Variants in IGHMBP2 observed in about 807,000 individuals in gnomAD.
IGHMBP2 encodes the protein DNA-binding protein SMUBP-2.
In IGHMBP2, 81 loss-of-function variants were observed where a neutral mutation model predicts 96.0. The ratio of observed to expected loss-of-function variants is 0.84; its 90% CI spans 0.71 to 1.01. The LOEUF is 1.01. IGHMBP2 is among the 50% of genes least tolerant of loss of function. IGHMBP2 has a pLI of 0.00. For synonymous variants in IGHMBP2, 557 were observed against 548.9 expected (o/e 1.01, Z -0.21); for missense variants, 1,227 against 1,306.3 (o/e 0.94, Z 0.94).
chr11:68,934,950 C>T (rs1009939686), intron 11 of IGHMBP2, among the ~76,000 whole-genome samples: 2 of 152,220 alleles, frequency 1.3e-5, no homozygotes, highest in Admixed American at 6.5e-5. Context: ...TGTTCCCATG[C>T]GTATCTCATT....
intron 11 of IGHMBP2, 50 bp downstream of exon 11, chr11:68,934,608 A>G: frequency 1.5e-6 from 2 of 1,352,858 alleles, no homozygotes; most frequent in Non-Finnish European, 2.1e-6. Context: ...GGCTCACACA[A>G]CCTAGAGGGT....
intron 11 of IGHMBP2, 103 bp from the exon 12 acceptor site, chr11:68,935,196 C>G: frequency 6.7e-7 from 1 of 1,487,556 alleles, no homozygotes; most frequent in South Asian, 1.2e-5. Flanking sequence ...CTTCCCAGGT[C>G]CTGGCTGTTT....
At chr11:68,935,160 T>G in intron 11 of IGHMBP2, 139 bp from the exon 12 acceptor site, 1 of 1,123,194 alleles carries the variant, frequency 8.9e-7, no homozygotes, top group East Asian at 2.6e-5. Context: ...GGGAAGCCTT[T>G]CCCCATGGGG....
At chr11:68,929,515 A>G (rs912911813) in intron 8 of IGHMBP2, among the ~76,000 whole-genome samples, 158 bp downstream of exon 8, 2 of 151,816 alleles carry the variant, frequency 1.3e-5, no homozygotes, top group African/African-American at 4.8e-5. Context: ...ATTCATCTCA[A>G]CGTCGCATCT....
chr11:68,938,345 C>T lies in IGHMBP2; in HGVS notation c.2775C>T (p.His925=). Residue 925 remains histidine, a synonymous_variant, in exon 14 of 15, where the codon CAC becomes CAT. Transcript: ENST00000255078. ...GCCGCCGCTACTGCCTCAGCCACCA[C>T]CTGCCCGAGGTATGTCGGCCTCCCC... ...LCSRRYCLSH[H]LPEIHGCGER... is the part of the protein sequence containing the mutation. The T allele has an allele frequency of 1.9e-6, 3 of 1,610,304 alleles. No homozygotes were observed. Among genetic ancestry groups the T allele is most frequent in the Non-Finnish European group, 2.5e-6 (3 of 1,179,074 alleles).
intron 8 of IGHMBP2, chr11:68,932,693 C>G: frequency 1.2e-5 from 2 of 162,260 alleles, no homozygotes; most frequent in East Asian, 1.7e-4. Context: ...TGTTCGTTCC[C>G]TGTTATGGCT....
At chr11:68,933,075 C>T (rs1187448799) in intron 8 of IGHMBP2, 18 of 590,206 alleles carry the variant, frequency 3.0e-5, no homozygotes, top group Admixed American at 8.7e-5. Flanking sequence ...TCAGCTGCAG[C>T]GTCCCTGTTG....
intron 9 of IGHMBP2, 143 bp from the exon 10 acceptor site, chr11:68,933,652 C>A: frequency 2.0e-6 from 2 of 1,000,750 alleles, no homozygotes; most frequent in Non-Finnish European, 3.1e-6. Context: ...GTCAGGCCCG[C>A]TCCCTCCCTT....
chr11:68,937,196 TG>T, intron 13 of IGHMBP2, 105 bp downstream of exon 13: 5 of 1,389,204 alleles, frequency 3.6e-6, no homozygotes, highest in Middle Eastern at 2.5e-4. Flanking sequence ...TTCCTCCTGG[TG>T]GCACCGTGCC....
intron 9 of IGHMBP2, 98 bp downstream of exon 9, chr11:68,933,579 C>A: frequency 2.1e-6 from 3 of 1,431,432 alleles, no homozygotes; most frequent in African/African-American, 1.4e-5. Context: ...AAGCTTTCTG[C>A]ATGAAAGTCG....
chr11:68,914,755 T>G, intron 5 of IGHMBP2, 68 bp from the exon 6 acceptor site: 1 of 1,521,834 alleles, frequency 6.6e-7, no homozygotes, highest in Non-Finnish European at 9.1e-7. Flanking sequence ...GGCTTTTTGT[T>G]GTTTTAGTGT....
chr11:68,917,877 AAC>A lies in IGHMBP2; in HGVS notation c.1058_1059del (p.Thr353ArgfsTer22). On this transcript the variant is annotated frameshift_variant, in exon 7 of 15. Coordinates refer to ENST00000255078, the MANE Select transcript of IGHMBP2 (RefSeq NM_002180.3). LOFTEE classifies it high-confidence loss of function. ...LTSANVVLAT[N>X]TGASADGPLK... ...TTCGGCAAACGTGGTCCTTGCAACA[AAC>A]ACAGGTGAGGGGGCGTCTCCATCCT... 1 of 1,614,034 alleles carries A rather than the reference AAC, an allele frequency of 6.2e-7. No individual in the cohort carries two copies. Among genetic ancestry groups the A allele is most frequent in the Non-Finnish European group, 8.5e-7 (1 of 1,179,986 alleles).
intron 1 of IGHMBP2, 61 bp downstream of exon 1, chr11:68,904,099 C>G: frequency 7.6e-7 from 1 of 1,321,290 alleles, no homozygotes; most frequent in Non-Finnish European, 1.1e-6. Flanking sequence ...CGGGCAGAGT[C>G]TCCGAGGGGC....
At chr11:68,912,523 T>C (rs1858479863) in intron 5 of IGHMBP2, among the ~76,000 whole-genome samples, 1 of 151,898 alleles carries the variant, frequency 6.6e-6, no homozygotes, top group Admixed American at 6.6e-5. Context: ...AGTTTTTTTT[T>C]TTTTAATTTA....
intron 5 of IGHMBP2, among the ~76,000 whole-genome samples, chr11:68,914,094 A>AT (rs1421996248): frequency 1.3e-5 from 2 of 152,154 alleles, no homozygotes; most frequent in Admixed American, 1.3e-4. Context: ...TGGTCTGGTG[A>AT]TTTTCAGATC....
In IGHMBP2 at chr11:68,904,001, C is replaced by G. The variant is rs748989565; in HGVS notation, c.49C>G (p.Leu17Val). 9.0e-6 allele frequency: 14 copies of G among 1,550,908 alleles called. No homozygotes were observed. In the South Asian group the frequency reaches 1.7e-4, roughly 18 times the overall value. Residue 17 changes from leucine (L) to valine (V), a missense_variant, in exon 1 of 15, where the codon CTG (leucine) becomes GTG (valine). Leu to Val is a conservative substitution (Grantham distance 32). Around this residue, in one of 3 missense-constraint regions of IGHMBP2, gnomAD observed 507 missense variants for 496.9 expected, o/e 1.02. Transcript: ENST00000255078. Reference protein sequence around the residue: ...ESFVTKQLDLLELERDAEVEE... With the variant: ...ESFVTKQLDLVELERDAEVEE... ...CTTCGTGACCAAGCAACTGGACCTG[C>G]TGGAGCTTGAGAGAGACGCGGAGGT...
intron 6 of IGHMBP2, among the ~76,000 whole-genome samples, chr11:68,916,164 A>T (rs1468251726): frequency 6.6e-6 from 1 of 150,448 alleles, no homozygotes; most frequent in East Asian, 2.0e-4. Context: ...ACAAAGCAAG[A>T]CTCCGTCTCA....
chr11:68,917,278 G>A (rs1301251198), intron 6 of IGHMBP2, among the ~76,000 whole-genome samples: 2 of 152,044 alleles, frequency 1.3e-5, no homozygotes, highest in African/African-American at 4.8e-5. Context: ...CGCCTGACCA[G>A]TTCCATCTTT....
chr11:68,919,756 G>T (rs1858809406), intron 7 of IGHMBP2, among the ~76,000 whole-genome samples: 1 of 152,136 alleles, frequency 6.6e-6, no homozygotes, highest in African/African-American at 2.4e-5. Flanking sequence ...TTTTACTGGG[G>T]TCATAAATGT....
Sources: gnomAD v4.1 joint callset for allele counts (sites outside exome capture counted in the v4.1 genomes callset) on GRCh38, gnomAD v4.1.1 for gene constraint, gnomAD v4.1.1 regional missense constraint, MANE v1.5 for transcripts, NCBI Gene and HGNC (gene_info 2026-07-23, HGNC 2026-07-21) for gene names.